Variants in CTNNA3 observed in about 807,000 individuals in gnomAD.
CTNNA3 encodes catenin alpha 3, also known as catenin alpha-3.
CTNNA3 carries 76 observed loss-of-function variants against 95.7 expected under a neutral mutation model. That is an observed-to-expected ratio of 0.79 (90% CI 0.66 to 0.96). The LOEUF is 0.96. CTNNA3 is among the 40% of genes least tolerant of loss of function. The pLI is 0.00. For missense variants in CTNNA3, 1,191 were observed against 1,089.8 expected (o/e 1.09, Z -1.31); for synonymous variants, 431 against 374.4 (o/e 1.15, Z -1.74).
chr10:66,274,855 C>T (rs1589911299), intron 13 of CTNNA3, among the ~76,000 whole-genome samples: 2 of 152,148 alleles, frequency 1.3e-5, no homozygotes, highest in Middle Eastern at 6.8e-3. Flanking sequence ...ATTGAATCTC[C>T]AACTTCAGGA....
intron 7 of CTNNA3, among the ~76,000 whole-genome samples, chr10:66,904,398 T>C (rs1439775955): frequency 6.6e-6 from 1 of 152,158 alleles, no homozygotes; most frequent in Non-Finnish European, 1.5e-5. Flanking sequence ...ATGTAAGACC[T>C]AAAACCCCAA....
chr10:66,011,951 T>G (rs2079012881), intron 15 of CTNNA3, among the ~76,000 whole-genome samples: 1 of 152,194 alleles, frequency 6.6e-6, no homozygotes, highest in Non-Finnish European at 1.5e-5. Flanking sequence ...CCCTGCTGTC[T>G]GCAACATAGA....
intron 10 of CTNNA3, among the ~76,000 whole-genome samples, chr10:66,595,029 T>C (rs1172426218): frequency 6.6e-6 from 1 of 152,128 alleles, no homozygotes; most frequent in African/African-American, 2.4e-5. Context: ...AGCGAGATTG[T>C]GGAACTGGAG....
chr10:66,477,275 A>G (rs2131890956), intron 11 of CTNNA3, among the ~76,000 whole-genome samples: 1 of 152,218 alleles, frequency 6.6e-6, no homozygotes, highest in Admixed American at 6.6e-5. Context: ...TAGTTTGACT[A>G]AATTTTTGAA....
intron 10 of CTNNA3, among the ~76,000 whole-genome samples, chr10:66,529,119 T>C (rs1422872928): frequency 6.6e-6 from 1 of 152,086 alleles, no homozygotes; most frequent in Non-Finnish European, 1.5e-5. Flanking sequence ...ACAATCAATG[T>C]ATTATTTATT....
chr10:65,934,001 A>C (rs2077295528), intron 17 of CTNNA3, among the ~76,000 whole-genome samples: 1 of 152,174 alleles, frequency 6.6e-6, no homozygotes, highest in African/African-American at 2.4e-5. Flanking sequence ...TAAAAACATG[A>C]AATTTAGAGC....
At chr10:65,985,601 A>G (rs971261128) in intron 16 of CTNNA3, among the ~76,000 whole-genome samples, 1 of 151,420 alleles carries the variant, frequency 6.6e-6, no homozygotes, top group African/African-American at 2.4e-5. Flanking sequence ...TAAATATTAT[A>G]TTAGAATATA....
rs148566945 is a variant in CTNNA3 at position 66,913,354 on chromosome 10, G to C, written c.1048-137830C>G. 1.7e-3 allele frequency among the ~76,000 whole-genome samples: 260 copies of C among 151,540 alleles called. 1 individual carries two copies. Among genetic ancestry groups the C allele is most frequent in the Non-Finnish European group, 3.1e-3 (208 of 67,928 alleles). On this transcript the variant is annotated intron_variant, in intron 7 of 17. Coordinates refer to ENST00000433211, the MANE Select transcript of CTNNA3 (RefSeq NM_013266.4). Reference sequence around the variant, plus strand: ...TTGGAGGATATGGATAACAAAGGAGGACAGCATCTCACTTTTACAAAGATC... The same window carrying C: ...TTGGAGGATATGGATAACAAAGGAGCACAGCATCTCACTTTTACAAAGATC...
At chr10:66,021,851 G>GTTTTTTTTTTTTTTTTTTTTTTT (rs1564583857) in intron 15 of CTNNA3, among the ~76,000 whole-genome samples, 4 of 41,664 alleles carry the variant, frequency 9.6e-5, no homozygotes, top group South Asian at 1.7e-3. Flanking sequence ...CAGGATCTTG[G>GTTTTTTTTTTTTTTTTTTTTTTT]CTTTTTTTTT....
chr10:67,341,466 C>T (rs1842188233), intron 5 of CTNNA3, among the ~76,000 whole-genome samples: 1 of 152,158 alleles, frequency 6.6e-6, no homozygotes, highest in African/African-American at 2.4e-5. Flanking sequence ...CTGTGCCTTG[C>T]TTATTTCACT....
intron 5 of CTNNA3, among the ~76,000 whole-genome samples, chr10:67,323,331 A>C (rs1004579681): frequency 3.9e-5 from 6 of 152,044 alleles, no homozygotes; most frequent in African/African-American, 1.4e-4. Context: ...TTTTCTCTTC[A>C]GGGTTTTTAT....
At chr10:66,148,943 C>T (rs2084041041) in intron 13 of CTNNA3, among the ~76,000 whole-genome samples, 1 of 151,366 alleles carries the variant, frequency 6.6e-6, no homozygotes, top group South Asian at 2.1e-4. Context: ...CAGTTATATA[C>T]ATTAATTTTG....
At position 66,659,429 on chromosome 10, in the gene CTNNA3, T is replaced by C. The variant is rs1354355314; in HGVS notation, c.1282-37645A>G. Among the ~76,000 whole-genome samples, 5 of 152,166 alleles carry C rather than the reference T, an allele frequency of 3.3e-5. No individual in the cohort carries two copies. The South Asian group carries it at 8.3e-4, about 25-fold the overall frequency. ...TTTATTTAGAAGGAGCTCAGTTTTG[T>C]AACTGAGATCTTTGCTTCTATTATA... On this transcript the variant is annotated intron_variant, in intron 9 of 17. Transcript: ENST00000433211.
intron 16 of CTNNA3, among the ~76,000 whole-genome samples, chr10:65,986,915 T>G (rs979849343): frequency 2.6e-5 from 4 of 151,284 alleles, no homozygotes; most frequent in Non-Finnish European, 5.9e-5. Flanking sequence ...ATTCACATAT[T>G]TATAGCCAAC....
chr10:66,331,284 T>C (rs990232896), intron 12 of CTNNA3, among the ~76,000 whole-genome samples: 2 of 151,062 alleles, frequency 1.3e-5, no homozygotes, highest in African/African-American at 4.9e-5. Context: ...TTTCTACATA[T>C]GGCTAGCCAG....
At chr10:67,177,008 T>C (rs750605396) in intron 7 of CTNNA3, 4 of 482,190 alleles carry the variant, frequency 8.3e-6, no homozygotes, top group South Asian at 6.0e-5. Flanking sequence ...ATTTGTGTGG[T>C]TTAAGACACT....
chr10:67,348,890 T>C (rs1391133391), intron 5 of CTNNA3, among the ~76,000 whole-genome samples: 1 of 152,146 alleles, frequency 6.6e-6, no homozygotes, highest in East Asian at 1.9e-4. Flanking sequence ...AAAAGACTAA[T>C]AACCCAATTT....
intron 7 of CTNNA3, among the ~76,000 whole-genome samples, chr10:67,105,378 A>G (rs1316473331): frequency 6.6e-6 from 1 of 152,122 alleles, no homozygotes; most frequent in Non-Finnish European, 1.5e-5. Flanking sequence ...TAAATGCTAC[A>G]TGTTCTTTCC....
chr10:67,597,920 T>A, intron 3 of CTNNA3, among the ~76,000 whole-genome samples: 1 of 152,108 alleles, frequency 6.6e-6, no homozygotes. Context: ...ATCTGACAGT[T>A]ATATTGGATC....
Sources: gnomAD v4.1 joint callset for allele counts (sites outside exome capture counted in the v4.1 genomes callset) on GRCh38, gnomAD v4.1.1 for gene constraint, MANE v1.5 for transcripts, NCBI Gene and HGNC (gene_info 2026-07-23, HGNC 2026-07-21) for gene names.